SLC15A1: variants seen among roughly 807,000 people sequenced by gnomAD.
SLC15A1 encodes the protein solute carrier family 15 member 1.
In SLC15A1, 83 loss-of-function variants were observed where a neutral mutation model predicts 92.9. That is an observed-to-expected ratio of 0.89 (90% confidence interval 0.75 to 1.07). The LOEUF is 1.07. Ranked by LOEUF, SLC15A1 falls within the 50% of genes least tolerant of loss-of-function variation. The probability of loss-of-function intolerance (pLI) is 0.00; values close to 1 mark genes in which losing one functional copy is unlikely to be tolerated. For synonymous variants in SLC15A1, 322 were observed against 318.2 expected, an observed-to-expected ratio of 1.01 and a Z score of -0.13; for missense variants, 857 against 880.1, an observed-to-expected ratio of 0.97 and a Z score of 0.33.
At position 98,715,875 on chromosome 13, in the gene SLC15A1, T is replaced by TA; in HGVS notation, c.723+2dup. 6.2e-7 allele frequency: 1 copy of TA among 1,613,212 alleles called. No homozygotes were observed. The highest frequency in any genetic ancestry group is 8.5e-7 in the Non-Finnish European group (1 of 1,179,128). ...CTTGAGAAAGAGCAGCTGAGATACT[T>TA]ACACCGATGCACTTGGCCACTTTAC... On this transcript the variant is annotated splice_region_variant and intron_variant, in intron 9 of 22. Transcript: ENST00000376503.
chr13:98,749,998 A>T (rs1334617265), intron 1 of SLC15A1, among the ~76,000 whole-genome samples: 4 of 152,094 alleles, frequency 2.6e-5, no homozygotes, highest in Non-Finnish European at 4.4e-5. Context: ...AGCATTTCCT[A>T]CCTGGGGCTT....
chr13:98,717,840 T>C (rs2088222869), intron 8 of SLC15A1, among the ~76,000 whole-genome samples: 1 of 151,906 alleles, frequency 6.6e-6, no homozygotes, highest in African/African-American at 2.4e-5. Context: ...CTCATTTGAG[T>C]GGGAGAAGGG....
Position 98,726,381 on chromosome 13 carries a change from G to T in SLC15A1, c.90C>A (p.Tyr30Ter). The T allele has an allele frequency of 6.2e-7, 1 of 1,614,222 alleles. No individual in the cohort carries two copies. Among genetic ancestry groups the T allele is most frequent in the African/African-American group, 1.3e-5 (1 of 75,050 alleles). The change falls in exon 3 of 23, where the codon TAC (tyrosine) becomes TAA (stop). Residue 30 changes from tyrosine to a stop codon, truncating the protein, a stop_gained. Transcript: ENST00000376503. LOFTEE classifies it high-confidence loss of function. Reference protein sequence around the residue: ...VVNEFCERFSYYGMRAILILY... With the variant: ...VVNEFCERFS ...CAATACAGTTACCTCGCATTCCATA[G>T]TAGGAAAATCTTTCGCAAAACTCAT...
At chr13:98,733,347 T>C (rs1191655677) in intron 1 of SLC15A1, among the ~76,000 whole-genome samples, 2 of 152,236 alleles carry the variant, frequency 1.3e-5, no homozygotes, top group East Asian at 3.8e-4. Context: ...ACTACTTACA[T>C]ATAAGTAAGA....
intron 20 of SLC15A1, 79 bp from the exon 21 acceptor site, chr13:98,687,803 G>C: frequency 6.6e-7 from 1 of 1,505,464 alleles, no homozygotes; most frequent in Non-Finnish European, 9.1e-7. Flanking sequence ...AATTGAGTTT[G>C]ACCTTCTAGG....
At chr13:98,745,112 T>A (rs1566461061) in intron 1 of SLC15A1, among the ~76,000 whole-genome samples, 1 of 152,144 alleles carries the variant, frequency 6.6e-6, no homozygotes, top group African/African-American at 2.4e-5. Context: ...TTTTTAGAAC[T>A]AGAGGTAAAT....
intron 1 of SLC15A1, 28 bp downstream of exon 1, chr13:98,752,567 C>G (rs943124435): frequency 7.9e-7 from 1 of 1,262,466 alleles, no homozygotes; most frequent in Non-Finnish European, 1.0e-6. Flanking sequence ...GTCTTTAGCC[C>G]GGCCGGCCCC....
intron 18 of SLC15A1, among the ~76,000 whole-genome samples, chr13:98,689,668 T>C (rs1332931628): frequency 2.6e-5 from 4 of 152,172 alleles, no homozygotes; most frequent in Non-Finnish European, 5.9e-5. Flanking sequence ...CAGGCTGGTC[T>C]CAAACTCCTG....
chr13:98,699,735 T>C lies in SLC15A1; in HGVS notation c.1466+2745A>G, dbSNP rs575934153. Among the ~76,000 whole-genome samples the C allele has an allele frequency of 2.6e-5, 4 of 152,338 alleles. No homozygotes were observed. The East Asian group carries it at 7.7e-4, about 29-fold the overall frequency. On this transcript the variant is annotated intron_variant, in intron 18 of 22. Coordinates refer to ENST00000376503, the MANE Select transcript of SLC15A1 (RefSeq NM_005073.4). ...CAGCATCTTGTCCTCCAACCAGCGA[T>C]GCAGGGGAGTTCCAGGTGCCCCATA...
chr13:98,730,076 A>T (rs1293830926), intron 1 of SLC15A1, among the ~76,000 whole-genome samples: 2 of 151,730 alleles, frequency 1.3e-5, no homozygotes, highest in African/African-American at 4.8e-5. Context: ...GTGGTGGTGC[A>T]TGCCAGCTAC....
At chr13:98,743,423 T>G (rs1159194893) in intron 1 of SLC15A1, among the ~76,000 whole-genome samples, 3 of 152,206 alleles carry the variant, frequency 2.0e-5, no homozygotes, top group Non-Finnish European at 4.4e-5. Context: ...ACTACAGGCA[T>G]GAATCTTTGA....
At chr13:98,716,853 C>G (rs1047507645) in intron 8 of SLC15A1, among the ~76,000 whole-genome samples, 3 of 151,996 alleles carry the variant, frequency 2.0e-5, no homozygotes, top group African/African-American at 7.3e-5. Flanking sequence ...TTCCACGGAC[C>G]TTTTTGGCAA....
chr13:98,709,483 T>C (rs1046634470), intron 14 of SLC15A1, 89 bp downstream of exon 14: 24 of 973,006 alleles, frequency 2.5e-5, no homozygotes, highest in Non-Finnish European at 3.9e-5. Flanking sequence ...TAGGCGAGGT[T>C]GCGGGAAGGG....
chr13:98,748,589 C>T lies in SLC15A1; in HGVS notation c.4+4006G>A, dbSNP rs147468490. 3.9e-4 allele frequency among the ~76,000 whole-genome samples: 60 copies of T among 152,322 alleles called. 1 individual carries two copies. The highest frequency in any genetic ancestry group is 1.2e-3 in the Admixed American group (18 of 15,306). ...AGATTACAGGCGTAAGCCGCAGTGC[C>T]CAGCTATCCCTACGTTAAGACGGCA... On this transcript the variant is annotated intron_variant, in intron 1 of 22. Coordinates refer to ENST00000376503, the MANE Select transcript of SLC15A1 (RefSeq NM_005073.4).
At position 98,726,705 on chromosome 13, in the gene SLC15A1, A is replaced by C. The variant is rs1566454825; in HGVS notation, c.21+138T>G. On this transcript the variant is annotated intron_variant, in intron 2 of 22. Coordinates refer to ENST00000376503, the MANE Select transcript of SLC15A1 (RefSeq NM_005073.4). ...CCACAGCATTTCCTCAGGAGAGGAC[A>C]TCTCACATGGAAATCCGGGATCATA... is the stretch of plus-strand genomic sequence containing the variant. 1.6e-5 allele frequency: 14 copies of C among 880,646 alleles called. No homozygotes were observed. The East Asian group carries it at 3.2e-4, about 20-fold the overall frequency. 54.6% of individuals were successfully genotyped at this position (880,646 alleles called of 1,614,324 possible). A position where few individuals can be genotyped will look rare whatever the true frequency, so the allele number is the denominator to read the frequency against.
At chr13:98,750,715 G>A (rs1374133607) in intron 1 of SLC15A1, among the ~76,000 whole-genome samples, 3 of 151,696 alleles carry the variant, frequency 2.0e-5, no homozygotes, top group African/African-American at 7.3e-5. Context: ...TGAGGGATCT[G>A]AAGCAATTCT....
intron 1 of SLC15A1, among the ~76,000 whole-genome samples, chr13:98,752,093 A>AG (rs1288786057): frequency 3.9e-5 from 6 of 152,232 alleles, no homozygotes; most frequent in African/African-American, 1.4e-4. Context: ...AAATTAAGCC[A>AG]GGGGACAGTG....
intron 7 of SLC15A1, among the ~76,000 whole-genome samples, chr13:98,719,835 T>C (rs2088240963): frequency 1.3e-5 from 2 of 152,160 alleles, no homozygotes; most frequent in Non-Finnish European, 2.9e-5. Flanking sequence ...GCAGGGGAAA[T>C]CAACTGTAGA....
rs565977867 is a variant in SLC15A1 at position 98,698,465 on chromosome 13, G to A, written c.1466+4015C>T. Among the ~76,000 whole-genome samples, 275 of 152,274 alleles carry A rather than the reference G, an allele frequency of 1.8e-3. 2 individuals are homozygous for A. Among genetic ancestry groups the A allele is most frequent in the African/African-American group, 6.3e-3 (263 of 41,552 alleles). ...TTTGTTTTGCTTTTTTGGAGACAGGGTCTCACTCTGTTGTCCAGGCTGGAG... is the reference window on the plus strand; with the variant it reads ...TTTGTTTTGCTTTTTTGGAGACAGGATCTCACTCTGTTGTCCAGGCTGGAG... On this transcript the variant is annotated intron_variant, in intron 18 of 22. Transcript: ENST00000376503.
Sources: allele counts gnomAD v4.1 joint callset (sites outside exome capture counted in the v4.1 genomes callset), GRCh38; gene constraint gnomAD v4.1.1; transcripts MANE v1.5; gene names NCBI Gene and HGNC (gene_info 2026-07-23, HGNC 2026-07-21).